The following SPMIP7 variants were observed in gnomAD, a reference collection of about 807,000 sequenced individuals.
SPMIP7 encodes the protein protein SPMIP7.
the SPMIP7 span, among the ~76,000 whole-genome samples, chr7:50,154,981 G>T: frequency 6.6e-6 from 1 of 152,102 alleles, no homozygotes; most frequent in Non-Finnish European, 1.5e-5. Flanking sequence ...CACCATTTTT[G>T]TTGTCTTTGG....
At chr7:50,096,637 A>G in the SPMIP7 span, 2 of 1,526,790 alleles carry the variant, frequency 1.3e-6, no homozygotes, top group African/African-American at 1.4e-5. Context: ...CAAGACTTGG[A>G]GGTAAATGAA....
the SPMIP7 span, among the ~76,000 whole-genome samples, chr7:50,122,964 T>C: frequency 1.3e-5 from 2 of 148,172 alleles, no homozygotes; most frequent in East Asian, 4.1e-4. Context: ...TTTACACTGT[T>C]GGTGGGACTG....
the SPMIP7 span, among the ~76,000 whole-genome samples, chr7:50,111,764 T>C: frequency 1.3e-5 from 2 of 152,116 alleles, no homozygotes; most frequent in Non-Finnish European, 2.9e-5. Context: ...TGTATCAACA[T>C]GACAGTGTAT....
chr7:50,110,965 T>C, the SPMIP7 span, among the ~76,000 whole-genome samples: 1 of 142,076 alleles, frequency 7.0e-6, no homozygotes, highest in Non-Finnish European at 1.5e-5. Context: ...TTATAATATG[T>C]AAACCATCAG....
chr7:50,130,544 C>A, the SPMIP7 span, among the ~76,000 whole-genome samples: 1 of 152,014 alleles, frequency 6.6e-6, no homozygotes, highest in African/African-American at 2.4e-5. Flanking sequence ...GGGGACACAG[C>A]CAAACCATAT....
the SPMIP7 span, chr7:50,096,007 C>T: frequency 1.1e-6 from 1 of 893,586 alleles, no homozygotes; most frequent in Non-Finnish European, 1.6e-6. Flanking sequence ...TAGTTATTGG[C>T]AATAGAGTTT....
At chr7:50,136,017 A>T in the SPMIP7 span, 1 of 999,058 alleles carries the variant, frequency 1.0e-6, no homozygotes, top group Non-Finnish European at 1.5e-6. Flanking sequence ...CGTAGAAAGG[A>T]CTGTCAAGGG....
the SPMIP7 span, among the ~76,000 whole-genome samples, chr7:50,143,299 G>A: frequency 2.0e-5 from 3 of 151,864 alleles, no homozygotes; most frequent in East Asian, 5.8e-4. Context: ...TGAGTAGCAG[G>A]AATTACAGGT....
chr7:50,145,753 G>A, the SPMIP7 span, among the ~76,000 whole-genome samples: 1 of 148,858 alleles, frequency 6.7e-6, no homozygotes, highest in Non-Finnish European at 1.5e-5. Flanking sequence ...GCAAAGGTGA[G>A]GTGCAGGCCC....
chr7:50,105,227 T>C, the SPMIP7 span, among the ~76,000 whole-genome samples: 1 of 152,192 alleles, frequency 6.6e-6, no homozygotes, highest in Non-Finnish European at 1.5e-5. Flanking sequence ...ATATATGTCA[T>C]GCATGATAAA....
the SPMIP7 span, chr7:50,104,435 T>A: frequency 1.8e-6 from 2 of 1,083,940 alleles, no homozygotes; most frequent in South Asian, 3.7e-5. Flanking sequence ...CTGGGTGGTG[T>A]TATATATAAT....
the SPMIP7 span, among the ~76,000 whole-genome samples, chr7:50,130,330 G>A: frequency 6.6e-6 from 1 of 152,096 alleles, no homozygotes; most frequent in African/African-American, 2.4e-5. Flanking sequence ...CAGAAGGCAA[G>A]GAGGAGCAAA....
At chr7:50,113,323 A>C in the SPMIP7 span, among the ~76,000 whole-genome samples, 35 of 140,014 alleles carry the variant, frequency 2.5e-4, no homozygotes, top group African/African-American at 9.0e-4. Context: ...ACTACTTTTC[A>C]TGCAAAGAAG....
At chr7:50,155,641 G>A in the SPMIP7 span, among the ~76,000 whole-genome samples, 2 of 152,038 alleles carry the variant, frequency 1.3e-5, no homozygotes, top group Non-Finnish European at 2.9e-5. Context: ...GTGATAAAAC[G>A]TTCCTATTAT....
the SPMIP7 span, among the ~76,000 whole-genome samples, chr7:50,145,324 T>C: frequency 3.2e-3 from 491 of 151,214 alleles, 2 homozygotes; most frequent in African/African-American, 0.01. Context: ...CAGTATAAGA[T>C]CCATATTCTT....
At chr7:50,127,598 C>T in the SPMIP7 span, among the ~76,000 whole-genome samples, 8 of 128,328 alleles carry the variant, frequency 6.2e-5, no homozygotes, top group South Asian at 4.9e-4. Context: ...TTCTGAAAAA[C>T]GTCTATTCAT....
At chr7:50,112,963 A>T in the SPMIP7 span, among the ~76,000 whole-genome samples, 1 of 151,478 alleles carries the variant, frequency 6.6e-6, no homozygotes, top group African/African-American at 2.4e-5. Context: ...ACATAAAAGG[A>T]ACTACTAAAG....
chr7:50,127,834 G>C, the SPMIP7 span, among the ~76,000 whole-genome samples: 1 of 151,806 alleles, frequency 6.6e-6, no homozygotes, highest in African/African-American at 2.4e-5. Context: ...TGAGGATATG[G>C]AGGAAGGAAA....
the SPMIP7 span, among the ~76,000 whole-genome samples, chr7:50,106,683 T>TGAAAGAAAACAGAACA: frequency 6.6e-6 from 1 of 151,950 alleles, no homozygotes; most frequent in Non-Finnish European, 1.5e-5. Context: ...TCAGCAGAAA[T>TGAAAGAAAACAGAACA]GAAAGAAAAC....
Sources: allele counts gnomAD v4.1 joint callset (sites outside exome capture counted in the v4.1 genomes callset), GRCh38; gene constraint gnomAD v4.1.1; transcripts MANE v1.5; gene names NCBI Gene and HGNC (gene_info 2026-07-23, HGNC 2026-07-21).